The following PLAA variants were observed in gnomAD, a reference collection of about 807,000 sequenced individuals.
The protein encoded by PLAA is phospholipase A2 activating protein.
In PLAA, 48 loss-of-function variants were observed where a neutral mutation model predicts 84.1. The ratio of observed to expected loss-of-function variants is 0.57; its 90% confidence interval spans 0.45 to 0.73. The LOEUF (loss-of-function observed/expected upper bound fraction) is 0.73. Ranked by LOEUF, PLAA falls within the 30% of genes least tolerant of loss-of-function variation. PLAA has a pLI of 0.00. For missense variants in PLAA, 903 were observed against 954.7 expected (o/e 0.95, Z 0.71); for synonymous variants, 392 against 336.6 (o/e 1.16, Z -1.80).
chr9:26,910,828 T>A (rs1355883314), intron 11 of PLAA, among the ~76,000 whole-genome samples: 1 of 152,084 alleles, frequency 6.6e-6, no homozygotes, highest in Non-Finnish European at 1.5e-5. Flanking sequence ...TGGTCTAAGA[T>A]TAAATCTAAA....
intron 1 of PLAA, among the ~76,000 whole-genome samples, chr9:26,938,458 G>A (rs559780642): frequency 4.7e-4 from 72 of 151,852 alleles, no homozygotes; most frequent in African/African-American, 1.5e-3. Context: ...AGGCTAAGGC[G>A]AGAGGATCCC....
Position 26,928,144 on chromosome 9 carries a change from G to A in PLAA, c.521C>T (p.Thr174Ile), listed in dbSNP as rs755992738. ...GLMLTGSADK[T>I]VKLWKAGRCE... ...TCTTCCAGCCTTCCACAGTTTAACA[G>A]TCTTGTCTGCTGATCCAGTCAACAT... The change falls in exon 4 of 14, where the codon ACT becomes ATT. Residue 174 changes from threonine (T) to isoleucine (I), a missense_variant. Physicochemically the swap from Thr to Ile is moderately conservative, Grantham distance 89. Transcript: ENST00000397292. The A allele has an allele frequency of 6.2e-7, 1 of 1,614,164 alleles. No homozygotes were observed. Among genetic ancestry groups the A allele is most frequent in the South Asian group, 1.1e-5 (1 of 91,082 alleles).
intron 1 of PLAA, among the ~76,000 whole-genome samples, chr9:26,945,414 T>C (rs1207935880): frequency 6.6e-6 from 1 of 152,242 alleles, no homozygotes; most frequent in Admixed American, 6.5e-5. Context: ...AAAAGTTCCA[T>C]ATTAGTATTA....
intron 11 of PLAA, 39 bp downstream of exon 11, chr9:26,913,840 A>T: frequency 7.0e-7 from 1 of 1,422,586 alleles, no homozygotes; most frequent in Non-Finnish European, 9.7e-7. Flanking sequence ...ACGAATTTTT[A>T]AAATCTAAAA....
chr9:26,919,383 A>C lies in PLAA; in HGVS notation c.1344T>G (p.Ala448=). 1 of 1,613,084 alleles carries C rather than the reference A, an allele frequency of 6.2e-7. No individual in the cohort carries two copies. The highest frequency in any genetic ancestry group is 8.5e-7 in the Non-Finnish European group (1 of 1,179,580). ...CTTTTGTGTTATCAATAATAAATTT[A>C]GCTACTTGATCCAGAAACATAGGAT... ...DLNPMFLDQV[A]KFIIDNTKGQ... Residue 448 remains alanine, a synonymous_variant, in exon 9 of 14, where the codon GCT becomes GCG. Coordinates refer to ENST00000397292, the MANE Select transcript of PLAA (RefSeq NM_001031689.3).
At chr9:26,937,771 T>G (rs1825408223) in intron 1 of PLAA, among the ~76,000 whole-genome samples, 1 of 151,618 alleles carries the variant, frequency 6.6e-6, no homozygotes, top group African/African-American at 2.4e-5. Flanking sequence ...AATTATTCAC[T>G]AGACAACTTG....
At chr9:26,923,136 A>C (rs1489159613) in intron 7 of PLAA, 42 bp downstream of exon 7, 1 of 1,419,774 alleles carries the variant, frequency 7.0e-7, no homozygotes, top group Non-Finnish European at 9.5e-7. Context: ...CCAAAAGCCA[A>C]ATATGGTGAA....
At chr9:26,910,215 T>C (rs1783131590) in intron 12 of PLAA, 123 bp downstream of exon 12, 3 of 637,930 alleles carry the variant, frequency 4.7e-6, no homozygotes, top group Non-Finnish European at 5.6e-6. Context: ...TGTTTAATAC[T>C]GCAATAGAAA....
At chr9:26,915,666 A>G (rs1471663401) in intron 10 of PLAA, 7 of 974,878 alleles carry the variant, frequency 7.2e-6, no homozygotes, top group South Asian at 4.7e-5. Context: ...AGTGTATTCA[A>G]TTATCCTGAT....
chr9:26,921,361 T>C (rs1824752768), intron 7 of PLAA, among the ~76,000 whole-genome samples: 2 of 152,208 alleles, frequency 1.3e-5, no homozygotes, highest in African/African-American at 4.8e-5. Flanking sequence ...CATTATCTAG[T>C]CCCCTTGCAT....
At chr9:26,919,774 A>G (rs891049232) in intron 8 of PLAA, among the ~76,000 whole-genome samples, 2 of 152,192 alleles carry the variant, frequency 1.3e-5, no homozygotes, top group African/African-American at 4.8e-5. Flanking sequence ...ACTACATATT[A>G]ACTCTAGAGC....
At chr9:26,908,120 G>C in intron 12 of PLAA, 122 bp from the exon 13 acceptor site, 1 of 609,730 alleles carries the variant, frequency 1.6e-6, no homozygotes, top group South Asian at 2.6e-5. Context: ...ACTTTACTCA[G>C]CAATTATCAA....
chr9:26,905,750 G>T lies in PLAA; in HGVS notation c.2149C>A (p.His717Asn), dbSNP rs1422473784. Residue 717 changes from histidine (H) to asparagine (N), a missense_variant, in exon 14 of 14, where the codon CAT becomes AAT. Coordinates refer to ENST00000397292, the MANE Select transcript of PLAA (RefSeq NM_001031689.3). ...CATTGGGCTTTCCCTTCAATGTTAT[G>T]GTCTTTATGAAAACAAACAGAATAG... Reference protein sequence around the residue: ...LNYSVCFHKDHNIEGKAQCLS... With the variant: ...LNYSVCFHKDNNIEGKAQCLS... The T allele has an allele frequency of 1.9e-6, 3 of 1,614,068 alleles. No individual in the cohort carries two copies. The highest frequency in any genetic ancestry group is 2.5e-6 in the Non-Finnish European group (3 of 1,179,942).
intron 2 of PLAA, among the ~76,000 whole-genome samples, chr9:26,929,167 C>A (rs1825085803): frequency 1.3e-5 from 2 of 152,030 alleles, no homozygotes; most frequent in African/African-American, 4.8e-5. Flanking sequence ...TACCACTGCA[C>A]TTCACGCCTG....
Position 26,920,269 on chromosome 9 carries a change from A to T in PLAA, c.1155T>A (p.Gly385=). ...CTTTTCCAGATGTTTGCTGATTAGC[A>T]CCAGATGAGCCAACAACATCACCAA... ...IKIGDVVGSS[G]ANQQTSGKVL... is the part of the protein sequence containing the mutation. The change falls in exon 8 of 14, where the codon GGT becomes GGA. Residue 385 remains glycine (G), a synonymous_variant. Transcript: ENST00000397292. 1.2e-6 allele frequency: 2 copies of T among 1,613,986 alleles called. No individual in the cohort carries two copies. The highest frequency in any genetic ancestry group is 1.7e-6 in the Non-Finnish European group (2 of 1,179,916).
At chr9:26,940,101 T>A (rs13293419) in intron 1 of PLAA, among the ~76,000 whole-genome samples, 8,213 of 152,208 alleles carry the variant, frequency 0.054, 313 homozygotes, top group Non-Finnish European at 0.081. Flanking sequence ...GTATGGAAAT[T>A]CCTAGAAAAA....
intron 11 of PLAA, among the ~76,000 whole-genome samples, chr9:26,912,346 GA>G (rs1824425554): frequency 6.6e-6 from 1 of 152,172 alleles, no homozygotes; most frequent in Admixed American, 6.5e-5. Flanking sequence ...AGTATGGCTG[GA>G]CAGAAGAAAG....
At chr9:26,941,117 T>C (rs546826764) in intron 1 of PLAA, among the ~76,000 whole-genome samples, 25 of 148,652 alleles carry the variant, frequency 1.7e-4, no homozygotes, top group African/African-American at 5.8e-4. Context: ...CATTAAGTAT[T>C]TCTTAAACTG....
chr9:26,904,847 C>A lies in PLAA; in HGVS notation c.*664G>T, dbSNP rs1173753982. 1.3e-5 allele frequency: 2 copies of A among 152,250 alleles called. No individual in the cohort carries two copies. The highest frequency in any genetic ancestry group is 1.5e-5 in the Non-Finnish European group (1 of 67,982). The allele number at this position is 152,250 out of a possible 1,614,324, so 9.4% of individuals were successfully genotyped here. A position where few individuals can be genotyped will look rare whatever the true frequency, so the allele number is the denominator to read the frequency against. On this transcript the variant is annotated 3_prime_UTR_variant, in exon 14 of 14. Transcript: ENST00000397292. ...CTCAAATAGTGAAGGGCAAAAGAAA[C>A]TGGATCTAAGCCTGGAGTTAAATTG...
Sources: gnomAD v4.1 joint callset for allele counts (sites outside exome capture counted in the v4.1 genomes callset) on GRCh38, gnomAD v4.1.1 for gene constraint, MANE v1.5 for transcripts, NCBI Gene and HGNC (gene_info 2026-07-23, HGNC 2026-07-21) for gene names.